Variants in TNKS observed in about 807,000 individuals in gnomAD.
TNKS encodes the protein tankyrase.
A neutral mutation model predicts 135.8 loss-of-function variants in TNKS; 72 were observed. That is an observed-to-expected ratio of 0.53 (90% confidence interval 0.44 to 0.64). The LOEUF (loss-of-function observed/expected upper bound fraction) is 0.64. Ranked by LOEUF, TNKS falls within the 30% of genes least tolerant of loss-of-function variation. The pLI, the probability that TNKS is intolerant of heterozygous loss-of-function variation, is 0.00. For synonymous variants in TNKS, 849 were observed against 649.3 expected (o/e 1.31, Z -4.68); for missense variants, 1,769 against 1,674.0 (o/e 1.06, Z -0.99).
chr8:9,590,129 T>G (rs1177074187), intron 2 of TNKS, among the ~76,000 whole-genome samples: 1 of 152,172 alleles, frequency 6.6e-6, no homozygotes, highest in African/African-American at 2.4e-5. Flanking sequence ...TTAAAAATGC[T>G]CCACATAATT....
chr8:9,769,202 G>T (rs952967450), intron 25 of TNKS, among the ~76,000 whole-genome samples: 1 of 152,164 alleles, frequency 6.6e-6, no homozygotes, highest in Admixed American at 6.5e-5. Context: ...TGAATGCATG[G>T]CTGTGTGCCA....
rs1267881816 is a variant in TNKS at position 9,556,200 on chromosome 8, C to T, written c.261C>T (p.Thr87=). The T allele has an allele frequency of 1.2e-6, 2 of 1,614,102 alleles. No individual in the cohort carries two copies. Among genetic ancestry groups the T allele is most frequent in the Non-Finnish European group, 1.7e-6 (2 of 1,180,024 alleles). ...GATCCCCGGACCCGGTTGACGGTAC[C>T]AGCTGTTGCAGTACCACCAGCACAA... ...RPRSPDPVDG[T]SCCSTTSTIC... The change falls in exon 1 of 27, where the codon ACC becomes ACT. Residue 87 remains threonine, a synonymous_variant. Transcript: ENST00000310430.
intron 1 of TNKS, among the ~76,000 whole-genome samples, chr8:9,559,837 C>A (rs1451424814): frequency 6.6e-6 from 1 of 152,096 alleles, no homozygotes; most frequent in Non-Finnish European, 1.5e-5. Context: ...TGTATCCTAT[C>A]TTGGATTGTG....
At chr8:9,584,237 A>G (rs1798284217) in intron 2 of TNKS, among the ~76,000 whole-genome samples, 1 of 150,936 alleles carries the variant, frequency 6.6e-6, no homozygotes, top group Non-Finnish European at 1.5e-5. Flanking sequence ...TTGACTAATT[A>G]GTATCCAATT....
intron 5 of TNKS, among the ~76,000 whole-genome samples, chr8:9,696,788 A>G (rs1803533858): frequency 6.6e-6 from 1 of 152,202 alleles, no homozygotes; most frequent in Non-Finnish European, 1.5e-5. Context: ...AACACTGCTG[A>G]AAGAAATCAG....
chr8:9,638,896 A>G (rs915060167), intron 3 of TNKS, among the ~76,000 whole-genome samples: 6 of 152,206 alleles, frequency 3.9e-5, no homozygotes, highest in African/African-American at 1.4e-4. Context: ...CCCAAATGAC[A>G]GGGCAAAAGA....
intron 2 of TNKS, among the ~76,000 whole-genome samples, chr8:9,609,892 C>T (rs909189610): frequency 2.6e-5 from 4 of 152,092 alleles, no homozygotes; most frequent in Non-Finnish European, 5.9e-5. Context: ...GAGTCTCGCT[C>T]TGTCGGCCAG....
chr8:9,666,153 A>G (rs1014334755), intron 3 of TNKS, among the ~76,000 whole-genome samples: 2 of 152,186 alleles, frequency 1.3e-5, no homozygotes, highest in Non-Finnish European at 2.9e-5. Context: ...TGATGGTTTT[A>G]GATGTGCACT....
chr8:9,664,829 G>T (rs1801912711), intron 3 of TNKS, among the ~76,000 whole-genome samples: 1 of 152,152 alleles, frequency 6.6e-6, no homozygotes, highest in Admixed American at 6.5e-5. Flanking sequence ...CTTAAATTTA[G>T]AGGTTAGCTA....
At chr8:9,735,966 C>T (rs866273047) in intron 17 of TNKS, among the ~76,000 whole-genome samples, 3 of 151,728 alleles carry the variant, frequency 2.0e-5, no homozygotes, top group South Asian at 2.1e-4. Context: ...CCCGGCTAAG[C>T]TTAACTACCT....
rs186368979 is a variant in TNKS at position 9,764,177 on chromosome 8, C to G, written c.3373-539C>G. On this transcript the variant is annotated intron_variant, in intron 22 of 26. Transcript: ENST00000310430. The stretch of plus-strand genomic sequence containing the variant: ...AAACTTAGATCTTTAAAACATTTTT[C>G]TTTTCCATAATTATTTTTAATTTAG... 4.0e-3 allele frequency among the ~76,000 whole-genome samples: 610 copies of G among 151,996 alleles called. 5 individuals carry two copies. The highest frequency in any genetic ancestry group is 0.014 in the African/African-American group (581 of 41,464).
intron 1 of TNKS, among the ~76,000 whole-genome samples, chr8:9,574,699 T>C (rs1797876013): frequency 6.6e-6 from 1 of 152,236 alleles, no homozygotes; most frequent in Non-Finnish European, 1.5e-5. Context: ...AGATCTTAGA[T>C]TTCGTTCAAG....
chr8:9,598,423 C>T (rs1286574011), intron 2 of TNKS, among the ~76,000 whole-genome samples: 1 of 152,008 alleles, frequency 6.6e-6, no homozygotes, highest in Non-Finnish European at 1.5e-5. Flanking sequence ...AGGTTTAATC[C>T]TGTTTTCCTT....
At chr8:9,610,619 A>C (rs1202880960) in intron 2 of TNKS, among the ~76,000 whole-genome samples, 3 of 152,116 alleles carry the variant, frequency 2.0e-5, no homozygotes, top group Non-Finnish European at 4.4e-5. Flanking sequence ...AATTCAACGA[A>C]CTTGGTCCTT....
rs184049210 is a variant in TNKS at position 9,586,278 on chromosome 8, A to G, written c.898+5895A>G. ...CTTCTTAGGGGAAATTAAGCTGACT[A>G]TATAAAGATAGTATTATTTAATACC... On this transcript the variant is annotated intron_variant, in intron 2 of 26. Coordinates refer to ENST00000310430, the MANE Select transcript of TNKS (RefSeq NM_003747.3). Among the ~76,000 whole-genome samples, 223 of 152,328 alleles carry G rather than the reference A, an allele frequency of 1.5e-3. 1 individual carries two copies. The highest frequency in any genetic ancestry group is 3.7e-3 in the South Asian group (18 of 4,828).
At chr8:9,559,237 C>A (rs1797225327) in intron 1 of TNKS, among the ~76,000 whole-genome samples, 1 of 152,084 alleles carries the variant, frequency 6.6e-6, no homozygotes. Context: ...GTATATTATA[C>A]TGTCTGTCCC....
rs368803008 is a variant in TNKS at position 9,708,514 on chromosome 8, A to T, written c.1578+22A>T. On this transcript the variant is annotated intron_variant, in intron 9 of 26. Coordinates refer to ENST00000310430, the MANE Select transcript of TNKS (RefSeq NM_003747.3). ...ACTGGTAAGATTTTATTGTTAATCTATTCCCTGTGTCTATAATAATAACGT... is the reference window on the plus strand; with the variant it reads ...ACTGGTAAGATTTTATTGTTAATCTTTTCCCTGTGTCTATAATAATAACGT... 4.3e-5 allele frequency: 68 copies of T among 1,564,888 alleles called. No individual in the cohort carries two copies. The African/African-American group carries it at 8.6e-4, about 20-fold the overall frequency.
intron 3 of TNKS, among the ~76,000 whole-genome samples, chr8:9,626,289 A>G (rs1800050737): frequency 6.6e-6 from 1 of 152,160 alleles, no homozygotes; most frequent in East Asian, 1.9e-4. Context: ...CAATATCATT[A>G]TATTTGAACT....
intron 5 of TNKS, among the ~76,000 whole-genome samples, chr8:9,684,977 C>G (rs535976064): frequency 6.6e-6 from 1 of 152,028 alleles, no homozygotes; most frequent in Non-Finnish European, 1.5e-5. Context: ...TTAGTTTTAA[C>G]GCTTTAGTAT....
Sources: gnomAD v4.1 joint callset for allele counts (sites outside exome capture counted in the v4.1 genomes callset) on GRCh38, gnomAD v4.1.1 for gene constraint, MANE v1.5 for transcripts, NCBI Gene and HGNC (gene_info 2026-07-23, HGNC 2026-07-21) for gene names.